LY6G6D: variants seen among roughly 807,000 people sequenced by gnomAD.
LY6G6D encodes lymphocyte antigen 6 complex locus protein G6d.
Under a neutral mutation model 8.5 loss-of-function variants are expected in LY6G6D, and 5 were observed. The ratio of observed to expected loss-of-function variants is 0.59; its 90% confidence interval spans 0.31 to 1.24. LY6G6D has a LOEUF of 1.24. Ranked by LOEUF, LY6G6D falls within the 50% of genes most tolerant of loss-of-function variation. LY6G6D has a pLI of 0.07. For missense variants in LY6G6D, 154 were observed against 170.4 expected, an observed-to-expected ratio of 0.90 and a Z score of 0.53; for synonymous variants, 65 against 69.6, an observed-to-expected ratio of 0.93 and a Z score of 0.33.
rs757376935 is a variant in LY6G6D, at chr6:31,717,734, C to T, written c.332C>T (p.Ala111Val). The T allele has an allele frequency of 8.1e-6, 13 of 1,614,174 alleles. No individual in the cohort carries two copies. The highest frequency in any genetic ancestry group is 1.0e-5 in the Non-Finnish European group (12 of 1,180,032). Reference protein sequence around the residue: ...LCNSAVASHVAPAGILAAAAT... With the variant: ...LCNSAVASHVVPAGILAAAAT... ...AACAGCGCCGTGGCAAGCCATGTGG[C>T]CCCTGCAGGCATTTTGGCTGCAGCA... The change falls in exon 3 of 3, where the codon GCC becomes GTC. Residue 111 changes from alanine (A) to valine (V), a missense_variant. Coordinates refer to ENST00000375825, the MANE Select transcript of LY6G6D (RefSeq NM_021246.4). The surrounding 1 kb of genome is among the most constrained non-coding windows in gnomAD (Gnocchi z 5.0).
At chr6:31,715,773 C>A in intron 2 of LY6G6D, 149 bp downstream of exon 2, 1 of 1,245,134 alleles carries the variant, frequency 8.0e-7, no homozygotes, top group Non-Finnish European at 1.1e-6. Flanking sequence ...CCCCTTCTGG[C>A]TCCTGGCACG....
At position 31,716,294 on chromosome 6, in the gene LY6G6D, A is replaced by C. The variant is rs1029569719; in HGVS notation, c.178+670A>C. On this transcript the variant is annotated intron_variant, in intron 2 of 2. Transcript: ENST00000375825. The surrounding 1 kb of genome is among the most constrained non-coding windows in gnomAD (Gnocchi z 5.1). ...TAAATTATTTTATACCTGGAGTTTA[A>C]AAAATTACTTTTAGGGCCAGTGCAG... 6.6e-6 allele frequency among the ~76,000 whole-genome samples: 1 copy of C among 152,106 alleles called. No homozygotes were observed. Among genetic ancestry groups the C allele is most frequent in the Non-Finnish European group, 1.5e-5 (1 of 68,032 alleles).
In LY6G6D at chr6:31,717,765, C is replaced by A; in HGVS notation, c.363C>A (p.Thr121=). Residue 121 remains threonine, a synonymous_variant, in exon 3 of 3, where the codon ACC becomes ACA. Coordinates refer to ENST00000375825, the MANE Select transcript of LY6G6D (RefSeq NM_021246.4). This position sits in a 1 kb window ranked among gnomAD's most constrained non-coding sequence, Gnocchi z 5.0. ...CAGGCATTTTGGCTGCAGCAGCTAC[C>A]GCCCTGACCTGTCTCTTGCCAGGAC... ...APAGILAAAA[T]ALTCLLPGLW... is the part of the protein sequence containing the mutation. 1 of 1,613,838 alleles carries A rather than the reference C, an allele frequency of 6.2e-7. No individual in the cohort carries two copies. The highest frequency in any genetic ancestry group is 8.5e-7 in the Non-Finnish European group (1 of 1,180,020).
rs1244608111 is a variant in LY6G6D, at chr6:31,717,088, T to C, written c.179-493T>C. ...CAATGTGGAGAAATCTCGTCTCTAC[T>C]AAAAATACAAAATTAGCCGGGTGTA... On this transcript the variant is annotated intron_variant, in intron 2 of 2. Transcript: ENST00000375825. This position sits in a 1 kb window ranked among gnomAD's most constrained non-coding sequence, Gnocchi z 5.0. Among the ~76,000 whole-genome samples the C allele has an allele frequency of 6.6e-6, 1 of 152,014 alleles. No homozygotes were observed. The highest frequency in any genetic ancestry group is 1.5e-5 in the Non-Finnish European group (1 of 67,986).
Position 31,715,500 on chromosome 6 carries a change from A to C in LY6G6D, c.56-2A>C, listed in dbSNP as rs1363321429. On this transcript the variant is annotated splice_acceptor_variant, in intron 1 of 2. Coordinates refer to ENST00000375825, the MANE Select transcript of LY6G6D (RefSeq NM_021246.4). LOFTEE classifies it high-confidence loss of function. The stretch of plus-strand genomic sequence containing the variant: ...GGTCCAGCGCCTCTTTTCTCCTGCC[A>C]GGAAACCGAATGCGGTGCTACAACT... The C allele has an allele frequency of 2.5e-6, 4 of 1,611,574 alleles. No homozygotes were observed. The African/African-American group carries it at 4.0e-5, about 16-fold the overall frequency.
In LY6G6D at chr6:31,717,496, G is replaced by T. The variant is rs1434183954; in HGVS notation, c.179-85G>T. 2 of 1,613,652 alleles carry T rather than the reference G, an allele frequency of 1.2e-6. No homozygotes were observed. The highest frequency in any genetic ancestry group is 3.3e-5 in the Admixed American group (2 of 59,996). ...TTGAGGGGGCTGAAAATCCCTTTGG[G>T]CTCCTTGAAATCACATCTGCTCTGC... On this transcript the variant is annotated intron_variant, in intron 2 of 2. Transcript: ENST00000375825. The surrounding 1 kb of genome is among the most constrained non-coding windows in gnomAD (Gnocchi z 5.0).
In LY6G6D at chr6:31,717,249, C is replaced by CA. The variant is rs58686476; in HGVS notation, c.179-316dup. Among the ~76,000 whole-genome samples the CA allele has an allele frequency of 0.024, 2,219 of 92,076 alleles. 21 individuals carry two copies. Among genetic ancestry groups the CA allele is most frequent in the Non-Finnish European group, 0.033 (1,407 of 42,460 alleles). The allele number at this position is 92,076 out of a possible 152,430, so 60.4% of individuals were successfully genotyped here. ...GGGCAATAAGAGTGAAACTCCGTCT[C>CA]AAAAAAAAAAAAAAAATTACAGATA... On this transcript the variant is annotated intron_variant, in intron 2 of 2. Transcript: ENST00000375825. This position sits in a 1 kb window ranked among gnomAD's most constrained non-coding sequence, Gnocchi z 5.0.
chr6:31,715,656 C>G, intron 2 of LY6G6D, 32 bp downstream of exon 2: 3 of 1,606,164 alleles, frequency 1.9e-6, no homozygotes, highest in Non-Finnish European at 2.6e-6. Flanking sequence ...CTTCCAGCAG[C>G]CTTTCCCTGC....
Position 31,715,362 on chromosome 6 carries a change from C to A in LY6G6D, c.7C>A (p.Pro3Thr), listed in dbSNP as rs557331085. 68 of 1,599,584 alleles carry A rather than the reference C, an allele frequency of 4.3e-5. 1 individual carries two copies. Among genetic ancestry groups the A allele is most frequent in the Non-Finnish European group, 8.5e-7 (1 of 1,172,030 alleles). ...CTGACACGGGCAGACTGCGATGAAA[C>A]CCCAGTTTGTTGGGATCTTGCTCAG... is the stretch of plus-strand genomic sequence containing the variant. MK[P>T]QFVGILLSSL... The change falls in exon 1 of 3, where the codon CCC (proline) becomes ACC (threonine). Residue 3 changes from proline to threonine, a missense_variant. By Grantham distance (38) the Pro-to-Thr change is conservative. Coordinates refer to ENST00000375825, the MANE Select transcript of LY6G6D (RefSeq NM_021246.4).
rs551759527 is a variant in LY6G6D at position 31,717,760 on chromosome 6, G to A, written c.358G>A (p.Ala120Thr). 1.9e-6 allele frequency: 3 copies of A among 1,613,990 alleles called. No homozygotes were observed. Among genetic ancestry groups the A allele is most frequent in the Non-Finnish European group, 2.5e-6 (3 of 1,180,042 alleles). The change falls in exon 3 of 3, where the codon GCT (alanine) becomes ACT (threonine). Residue 120 changes from alanine (A) to threonine (T), a missense_variant. Ala to Thr is a moderately conservative substitution (Grantham distance 58, BLOSUM62 0). Transcript: ENST00000375825. The surrounding 1 kb of genome is among the most constrained non-coding windows in gnomAD (Gnocchi z 5.0). ...CCCTGCAGGCATTTTGGCTGCAGCA[G>A]CTACCGCCCTGACCTGTCTCTTGCC... ...VAPAGILAAA[A>T]TALTCLLPGL...
At chr6:31,715,706 C>CCAGG in intron 2 of LY6G6D, 82 bp downstream of exon 2, 1 of 1,562,734 alleles carries the variant, frequency 6.4e-7, no homozygotes, top group Middle Eastern at 1.7e-4. Flanking sequence ...CCAGAACCCT[C>CCAGG]CAGGCTCAGT....
chr6:31,717,813 G>A lies in LY6G6D; in HGVS notation c.*9G>A. 6.2e-7 allele frequency: 1 copy of A among 1,605,148 alleles called. No individual in the cohort carries two copies. Among genetic ancestry groups the A allele is most frequent in the Non-Finnish European group, 8.5e-7 (1 of 1,176,518 alleles). Reference sequence around the variant, plus strand: ...GACTGTGGAGCGGATAGGGGGAGTAGGAGTAGAGAAGGGAACAAGGGAGCA... The same window carrying A: ...GACTGTGGAGCGGATAGGGGGAGTAAGAGTAGAGAAGGGAACAAGGGAGCA... On this transcript the variant is annotated 3_prime_UTR_variant, in exon 3 of 3. Coordinates refer to ENST00000375825, the MANE Select transcript of LY6G6D (RefSeq NM_021246.4). This position sits in a 1 kb window ranked among gnomAD's most constrained non-coding sequence, Gnocchi z 5.0.
chr6:31,716,397 T>C lies in LY6G6D; in HGVS notation c.178+773T>C, dbSNP rs1033709932. 2.6e-5 allele frequency among the ~76,000 whole-genome samples: 4 copies of C among 151,786 alleles called. No homozygotes were observed. Among genetic ancestry groups the C allele is most frequent in the African/African-American group, 9.7e-5 (4 of 41,288 alleles). On this transcript the variant is annotated intron_variant, in intron 2 of 2. Coordinates refer to ENST00000375825, the MANE Select transcript of LY6G6D (RefSeq NM_021246.4). This position sits in a 1 kb window ranked among gnomAD's most constrained non-coding sequence, Gnocchi z 5.1. ...TTGAGCCCAAGAGTTGAGACCAGCC[T>C]GGGCAACATAGGGAGACCCTGTCTC...
chr6:31,717,786 AGGACT>A lies in LY6G6D; in HGVS notation c.386_390del (p.Gly129ValfsTer25), dbSNP rs1562160462. On this transcript the variant is annotated frameshift_variant, in exon 3 of 3. Coordinates refer to ENST00000375825, the MANE Select transcript of LY6G6D (RefSeq NM_021246.4). LOFTEE classifies it high-confidence loss of function. This position sits in a 1 kb window ranked among gnomAD's most constrained non-coding sequence, Gnocchi z 5.0. ...CTACCGCCCTGACCTGTCTCTTGCCAGGACTGTGGAGCGGATAGGGGGAGTAGGAG... is the reference window on the plus strand; with the variant it reads ...CTACCGCCCTGACCTGTCTCTTGCCAGTGGAGCGGATAGGGGGAGTAGGAG... The A allele has an allele frequency of 6.2e-7, 1 of 1,612,662 alleles. No homozygotes were observed. Among genetic ancestry groups the A allele is most frequent in the Admixed American group, 1.7e-5 (1 of 60,024 alleles).
intron 2 of LY6G6D, among the ~76,000 whole-genome samples, chr6:31,715,960 TG>T (rs1806407404): frequency 1.3e-5 from 2 of 150,796 alleles, no homozygotes; most frequent in Non-Finnish European, 3.0e-5. Flanking sequence ...GGTGTGTGTG[TG>T]TGTGTGTGTG....
In LY6G6D at chr6:31,717,323, AT is replaced by A; in HGVS notation, c.179-257del. The A allele has an allele frequency of 1.5e-6, 1 of 678,268 alleles. No individual in the cohort carries two copies. Among genetic ancestry groups the A allele is most frequent in the Non-Finnish European group, 2.4e-6 (1 of 410,640 alleles). The allele number at this position is 678,268 out of a possible 1,614,324, so 42.0% of individuals were successfully genotyped here. The stretch of plus-strand genomic sequence containing the variant: ...ATAGAATGTCCCTCGATATTTATTT[AT>A]CTGATATTTGCCATGATGAGATTGA... On this transcript the variant is annotated intron_variant, in intron 2 of 2. Transcript: ENST00000375825. This position sits in a 1 kb window ranked among gnomAD's most constrained non-coding sequence, Gnocchi z 5.0.
chr6:31,717,591 C>T lies in LY6G6D; in HGVS notation c.189C>T (p.Thr63=). 6.2e-7 allele frequency: 1 copy of T among 1,614,230 alleles called. No individual in the cohort carries two copies. Among genetic ancestry groups the T allele is most frequent in the Non-Finnish European group, 8.5e-7 (1 of 1,180,046 alleles). Residue 63 remains threonine (T), a synonymous_variant, in exon 3 of 3, where the codon ACC becomes ACT. Coordinates refer to ENST00000375825, the MANE Select transcript of LY6G6D (RefSeq NM_021246.4). The surrounding 1 kb of genome is among the most constrained non-coding windows in gnomAD (Gnocchi z 5.0). ...CATTCTCTCTCTCAGCCCCAGTGAC[C>T]TTGATTCACCAACATCCAGCCTGCG... ...QIKLPGNPPV[T]LIHQHPACVA...
In LY6G6D at chr6:31,717,202, A is replaced by T. The variant is rs1415238561; in HGVS notation, c.179-379A>T. On this transcript the variant is annotated intron_variant, in intron 2 of 2. Transcript: ENST00000375825. This position sits in a 1 kb window ranked among gnomAD's most constrained non-coding sequence, Gnocchi z 5.0. ...GAGGTGGAGGTCGCGGTGAGCCGAGATCACACCATTGCACTCCAGCTGGGC... is the reference window on the plus strand; with the variant it reads ...GAGGTGGAGGTCGCGGTGAGCCGAGTTCACACCATTGCACTCCAGCTGGGC... Among the ~76,000 whole-genome samples the T allele has an allele frequency of 6.8e-6, 1 of 147,708 alleles. No individual in the cohort carries two copies. Among genetic ancestry groups the T allele is most frequent in the Non-Finnish European group, 1.5e-5 (1 of 66,144 alleles).
chr6:31,715,634 C>CA lies in LY6G6D; in HGVS notation c.178+11dup, dbSNP rs753177124. ...AAGCTACCTGGAAACCGTGAGTCCT[C>CA]AGTTTCTCCCTCTTCCAGCAGCCTT... On this transcript the variant is annotated intron_variant, in intron 2 of 2. Coordinates refer to ENST00000375825, the MANE Select transcript of LY6G6D (RefSeq NM_021246.4). 15 of 1,609,662 alleles carry CA rather than the reference C, an allele frequency of 9.3e-6. No homozygotes were observed. The highest frequency in any genetic ancestry group is 1.1e-5 in the Non-Finnish European group (13 of 1,177,326).
Sources: allele counts gnomAD v4.1 joint callset (sites outside exome capture counted in the v4.1 genomes callset), GRCh38; gene constraint gnomAD v4.1.1; non-coding constraint Gnocchi (gnomAD v3.1); transcripts MANE v1.5; gene names NCBI Gene and HGNC (gene_info 2026-07-23, HGNC 2026-07-21).